DAP: variants seen among roughly 807,000 people sequenced by gnomAD.
DAP encodes death-associated protein 1.
DAP carries 8 observed loss-of-function variants against 13.8 expected under a neutral mutation model. The observed-to-expected ratio is 0.58, with a 90% CI of 0.34 to 1.05. DAP has a LOEUF of 1.05. Ranked by LOEUF, DAP falls within the 50% of genes least tolerant of loss-of-function variation. The probability of loss-of-function intolerance (pLI) is 0.03; values close to 1 mark genes in which losing one functional copy is unlikely to be tolerated. For synonymous variants in DAP, 47 were observed against 47.5 expected, an observed-to-expected ratio of 0.99 and a Z score of 0.04; for missense variants, 106 against 133.2, an observed-to-expected ratio of 0.80 and a Z score of 1.01.
At chr5:10,705,508 AT>A (rs1738677668) in intron 2 of DAP, among the ~76,000 whole-genome samples, 3 of 152,366 alleles carry the variant, frequency 2.0e-5, no homozygotes, top group African/African-American at 7.2e-5. Flanking sequence ...AAGGCTGTGC[AT>A]TTGGCCCCAG....
chr5:10,745,914 A>G (rs1034427973), intron 2 of DAP, among the ~76,000 whole-genome samples: 2 of 152,218 alleles, frequency 1.3e-5, no homozygotes, highest in African/African-American at 4.8e-5. Context: ...ACACACTCTT[A>G]GCCTCGATTC....
intron 2 of DAP, among the ~76,000 whole-genome samples, chr5:10,726,965 G>GT (rs1739302256): frequency 6.6e-6 from 1 of 152,320 alleles, no homozygotes; most frequent in South Asian, 2.1e-4. Flanking sequence ...CGCTGACCTT[G>GT]TACAGGGCTG....
chr5:10,736,456 CT>C (rs1310726213), intron 2 of DAP, among the ~76,000 whole-genome samples: 2 of 152,172 alleles, frequency 1.3e-5, no homozygotes, highest in Non-Finnish European at 2.9e-5. Context: ...CCAACCCTCC[CT>C]GGGCAGCCTC....
intron 2 of DAP, among the ~76,000 whole-genome samples, chr5:10,720,373 T>C (rs1739105900): frequency 6.6e-6 from 1 of 151,882 alleles, no homozygotes; most frequent in African/African-American, 2.4e-5. Flanking sequence ...GATTGGAAAA[T>C]TGGTGACAAA....
chr5:10,682,016 A>G (rs1388028424), intron 3 of DAP, among the ~76,000 whole-genome samples: 1 of 150,224 alleles, frequency 6.7e-6, no homozygotes, highest in African/African-American at 2.5e-5. Flanking sequence ...GCCAGCAGCC[A>G]CCAGCATCCC....
At chr5:10,726,734 C>T (rs1193605330) in intron 2 of DAP, among the ~76,000 whole-genome samples, 2 of 151,796 alleles carry the variant, frequency 1.3e-5, no homozygotes, top group Non-Finnish European at 2.9e-5. Context: ...CGTCAGCCTG[C>T]CACTGTGTGT....
intron 2 of DAP, among the ~76,000 whole-genome samples, chr5:10,700,980 C>A (rs144911946): frequency 6.6e-6 from 1 of 152,216 alleles, no homozygotes; most frequent in African/African-American, 2.4e-5. Flanking sequence ...TCTGAATAGA[C>A]GGGTGTGAAA....
chr5:10,710,236 A>G (rs1044210015), intron 2 of DAP, among the ~76,000 whole-genome samples: 2 of 147,956 alleles, frequency 1.4e-5, no homozygotes, highest in African/African-American at 5.4e-5. Context: ...AGGGGCCATA[A>G]GGAAGCCTTC....
chr5:10,709,505 G>A (rs985613410), intron 2 of DAP, among the ~76,000 whole-genome samples: 2 of 152,224 alleles, frequency 1.3e-5, no homozygotes, highest in African/African-American at 4.8e-5. Context: ...TTGCTTGGGT[G>A]TGTTCAAAAC....
At chr5:10,702,295 G>T (rs1180690466) in intron 2 of DAP, among the ~76,000 whole-genome samples, 1 of 152,192 alleles carries the variant, frequency 6.6e-6, no homozygotes. Context: ...AATGAACCAG[G>T]GTGCTTAGCT....
chr5:10,729,645 G>C (rs3797135), intron 2 of DAP, among the ~76,000 whole-genome samples: 13,012 of 152,226 alleles, frequency 0.085, 760 homozygotes, highest in East Asian at 0.29. Flanking sequence ...TAGAATGCCA[G>C]AGCAACTACA....
chr5:10,730,777 G>T (rs1215425383), intron 2 of DAP, among the ~76,000 whole-genome samples: 2 of 133,382 alleles, frequency 1.5e-5, no homozygotes, highest in Non-Finnish European at 3.2e-5. Context: ...GCCCTGGTAG[G>T]GGGAATCCTT....
At chr5:10,696,460 G>T (rs1331211374) in intron 2 of DAP, among the ~76,000 whole-genome samples, 2 of 152,184 alleles carry the variant, frequency 1.3e-5, no homozygotes, top group African/African-American at 2.4e-5. Context: ...TGAGGGCTTG[G>T]GCTTAGGAAA....
At chr5:10,716,864 C>A (rs1017727623) in intron 2 of DAP, among the ~76,000 whole-genome samples, 1 of 152,138 alleles carries the variant, frequency 6.6e-6, no homozygotes, top group African/African-American at 2.4e-5. Context: ...TGTAGAGGAA[C>A]AGAATATTAA....
intron 1 of DAP, among the ~76,000 whole-genome samples, chr5:10,750,832 C>G (rs576355034): frequency 6.6e-6 from 1 of 152,302 alleles, no homozygotes; most frequent in East Asian, 1.9e-4. Context: ...CAGTAAGGAT[C>G]TCATGGGGCC....
At chr5:10,758,222 T>TAA (rs764070266) in intron 1 of DAP, among the ~76,000 whole-genome samples, 12 of 147,262 alleles carry the variant, frequency 8.1e-5, no homozygotes, top group African/African-American at 3.0e-4. Flanking sequence ...TTTTTTTTTT[T>TAA]AAAAACTATC....
At chr5:10,684,674 C>A (rs985107440) in intron 2 of DAP, among the ~76,000 whole-genome samples, 21 of 152,210 alleles carry the variant, frequency 1.4e-4, no homozygotes, top group Non-Finnish European at 3.1e-4. Flanking sequence ...AAGGCTATGG[C>A]AAGCATCTCT....
chr5:10,723,757 T>G (rs1739216435), intron 2 of DAP, among the ~76,000 whole-genome samples: 1 of 152,218 alleles, frequency 6.6e-6, no homozygotes, highest in Admixed American at 6.5e-5. Context: ...TCATTAAAGA[T>G]CTCTGGTCTG....
At chr5:10,742,815 C>T (rs1051761636) in intron 2 of DAP, among the ~76,000 whole-genome samples, 4 of 152,108 alleles carry the variant, frequency 2.6e-5, no homozygotes, top group Non-Finnish European at 4.4e-5. Context: ...GCTGCATGGG[C>T]GTCAGTTCTT....
Sources: allele counts gnomAD v4.1 joint callset (sites outside exome capture counted in the v4.1 genomes callset), GRCh38; gene constraint gnomAD v4.1.1; transcripts MANE v1.5; gene names NCBI Gene and HGNC (gene_info 2026-07-23, HGNC 2026-07-21).